Variants in CPM observed in about 807,000 individuals in gnomAD.
CPM encodes the protein renal carboxypeptidase.
A neutral mutation model predicts 46.4 loss-of-function variants in CPM; 35 were observed. That is an observed-to-expected ratio of 0.75 (90% CI 0.58 to 1.00). The LOEUF (loss-of-function observed/expected upper bound fraction) is 1.00, where lower values mean the gene tolerates loss of function less well. Among genes scored for constraint, CPM ranks in the 50% least tolerant of loss-of-function variants. The pLI, the probability that CPM is intolerant of heterozygous loss-of-function variation, is 0.00. For missense variants in CPM, 422 were observed against 530.4 expected (o/e 0.80, Z 2.01); for synonymous variants, 195 against 195.3 (o/e 1.00, Z 0.01).
chr12:68,895,028 C>CAAAA (rs35142646), intron 2 of CPM, among the ~76,000 whole-genome samples: 5 of 78,210 alleles, frequency 6.4e-5, no homozygotes, highest in Non-Finnish European at 7.3e-5. Flanking sequence ...GACTCAGTCT[C>CAAAA]AAAAAAAAAA....
intron 2 of CPM, among the ~76,000 whole-genome samples, chr12:68,890,697 C>T (rs779924307): frequency 1.3e-3 from 205 of 152,382 alleles, no homozygotes; most frequent in Non-Finnish European, 2.1e-3. Flanking sequence ...CAAGACTGGG[C>T]TTTCTTCCTG....
rs914865614 is a variant in CPM, at chr12:68,853,491, A to G, written c.*2946T>C. ...CTCCAATTTGTTTATATTTATTAAC[A>G]TGTATGATTTTGTGCATGTAGAATA... On this transcript the variant is annotated 3_prime_UTR_variant, in exon 9 of 9. Transcript: ENST00000551568. 2 of 152,154 alleles carry G rather than the reference A, an allele frequency of 1.3e-5. No individual in the cohort carries two copies. The highest frequency in any genetic ancestry group is 2.9e-5 in the Non-Finnish European group (2 of 68,032). 9.4% of individuals were successfully genotyped at this position (152,154 alleles called of 1,614,324 possible).
intron 2 of CPM, among the ~76,000 whole-genome samples, chr12:68,931,668 T>C (rs762775295): frequency 4.3e-5 from 6 of 138,904 alleles, no homozygotes; most frequent in Non-Finnish European, 1.5e-5. Context: ...TTGCTTGAAC[T>C]CAGGAAGCCG....
intron 1 of CPM, among the ~76,000 whole-genome samples, chr12:68,942,841 T>A (rs1309617887): frequency 6.6e-6 from 1 of 152,214 alleles, no homozygotes; most frequent in Non-Finnish European, 1.5e-5. Flanking sequence ...TTCTATCTAC[T>A]GTTGGTGAAG....
chr12:68,868,721 G>A (rs928826083), intron 6 of CPM, among the ~76,000 whole-genome samples: 5 of 152,122 alleles, frequency 3.3e-5, no homozygotes, highest in Non-Finnish European at 7.3e-5. Context: ...TGTCTGAAGA[G>A]CTCTTTTGTT....
intron 2 of CPM, among the ~76,000 whole-genome samples, chr12:68,907,301 A>C (rs891488509): frequency 2.0e-5 from 3 of 152,212 alleles, no homozygotes; most frequent in African/African-American, 7.2e-5. Context: ...GCACATTATT[A>C]GGGTGATTCT....
In CPM at chr12:68,915,277, C is replaced by T. The variant is rs181544993; in HGVS notation, c.160+17401G>A. Reference sequence around the variant, plus strand: ...AAAACTCTGTGGTTTCCAGTGAGCACAAATTAAGGGAACTTAGATGCTAAG... The same window carrying T: ...AAAACTCTGTGGTTTCCAGTGAGCATAAATTAAGGGAACTTAGATGCTAAG... On this transcript the variant is annotated intron_variant, in intron 2 of 8. Transcript: ENST00000551568. Among the ~76,000 whole-genome samples, 182 of 152,184 alleles carry T rather than the reference C, an allele frequency of 1.2e-3. 1 individual carries two copies. The highest frequency in any genetic ancestry group is 2.0e-3 in the Admixed American group (31 of 15,288).
chr12:68,939,751 G>T (rs1002595126), intron 1 of CPM, among the ~76,000 whole-genome samples: 1 of 152,024 alleles, frequency 6.6e-6, no homozygotes, highest in African/African-American at 2.4e-5. Context: ...CTGACCAAAG[G>T]TCATTCCAAT....
chr12:68,926,719 A>C (rs1888278530), intron 2 of CPM, among the ~76,000 whole-genome samples: 1 of 150,948 alleles, frequency 6.6e-6, no homozygotes, highest in Non-Finnish European at 1.5e-5. Flanking sequence ...CCGCTCCCCC[A>C]ACCCCACAAC....
intron 2 of CPM, among the ~76,000 whole-genome samples, chr12:68,911,368 G>A (rs559153928): frequency 8.5e-5 from 13 of 152,178 alleles, no homozygotes; most frequent in African/African-American, 2.2e-4. Context: ...CTGCAGCTGC[G>A]GCTGGAGCCA....
chr12:68,875,168 T>C (rs1321698620), intron 3 of CPM, among the ~76,000 whole-genome samples: 1 of 151,824 alleles, frequency 6.6e-6, no homozygotes, highest in Non-Finnish European at 1.5e-5. Flanking sequence ...CTGGGCAACA[T>C]GGTAAAACCT....
Position 68,853,710 on chromosome 12 carries a change from T to G in CPM, c.*2727A>C, listed in dbSNP as rs542344517. On this transcript the variant is annotated 3_prime_UTR_variant, in exon 9 of 9. Transcript: ENST00000551568. ...GCCTATATTACTGTCACACTGGGGATTAAGTAAAAAAAAGAGAAAGAAGGA... is the reference window on the plus strand; with the variant it reads ...GCCTATATTACTGTCACACTGGGGAGTAAGTAAAAAAAAGAGAAAGAAGGA... 6.9e-6 allele frequency: 1 copy of G among 145,112 alleles called. No individual in the cohort carries two copies. The highest frequency in any genetic ancestry group is 7.1e-5 in the Admixed American group (1 of 14,070). The allele number at this position is 145,112 out of a possible 1,614,324, so 9.0% of individuals were successfully genotyped here. A position where few individuals can be genotyped will look rare whatever the true frequency, so the allele number is the denominator to read the frequency against.
intron 2 of CPM, among the ~76,000 whole-genome samples, chr12:68,922,049 C>T (rs1417409649): frequency 2.0e-5 from 3 of 152,114 alleles, no homozygotes; most frequent in Non-Finnish European, 4.4e-5. Context: ...AAGCCTGGTC[C>T]TTGGCCTCTA....
intron 1 of CPM, among the ~76,000 whole-genome samples, chr12:68,947,451 G>T (rs1368552377): frequency 6.6e-6 from 1 of 151,924 alleles, no homozygotes; most frequent in Non-Finnish European, 1.5e-5. Flanking sequence ...ATGAAAAATA[G>T]CCAGGCATGG....
chr12:68,845,211 GAA>G (rs1044944101), intron 5 of CPM: 8 of 198,380 alleles, frequency 4.0e-5, no homozygotes, highest in Non-Finnish European at 6.4e-5. Context: ...CTTATAAAAA[GAA>G]AAAGTATTTC....
At chr12:68,884,536 G>C (rs1322888220) in intron 3 of CPM, among the ~76,000 whole-genome samples, 1 of 152,196 alleles carries the variant, frequency 6.6e-6, no homozygotes, top group Non-Finnish European at 1.5e-5. Context: ...GCACTGATTA[G>C]AGCATGCCAC....
intron 2 of CPM, among the ~76,000 whole-genome samples, chr12:68,904,150 G>A (rs1887239081): frequency 6.6e-6 from 1 of 152,174 alleles, no homozygotes; most frequent in South Asian, 2.1e-4. Flanking sequence ...AAAGCACTGG[G>A]ATTACAGGTG....
At chr12:68,868,722 C>T (rs1358849623) in intron 6 of CPM, among the ~76,000 whole-genome samples, 1 of 152,196 alleles carries the variant, frequency 6.6e-6, no homozygotes, top group Non-Finnish European at 1.5e-5. Context: ...GTCTGAAGAG[C>T]TCTTTTGTTG....
At chr12:68,882,182 A>G (rs1455728425) in intron 3 of CPM, among the ~76,000 whole-genome samples, 1 of 151,962 alleles carries the variant, frequency 6.6e-6, no homozygotes, top group African/African-American at 2.4e-5. Flanking sequence ...GGATTATTTC[A>G]TCACCCAGTT....
Sources: allele counts gnomAD v4.1 joint callset (sites outside exome capture counted in the v4.1 genomes callset), GRCh38; gene constraint gnomAD v4.1.1; transcripts MANE v1.5; gene names NCBI Gene and HGNC (gene_info 2026-07-23, HGNC 2026-07-21).